Variants in ELP4 observed in about 807,000 individuals in gnomAD.
The protein encoded by ELP4 is elongator acetyltransferase complex subunit 4, also known as elongator complex protein 4.
A neutral mutation model predicts 48.9 loss-of-function variants in ELP4; 51 were observed. The ratio of observed to expected loss-of-function variants is 1.04; its 90% CI spans 0.83 to 1.32. The LOEUF (loss-of-function observed/expected upper bound fraction) is 1.32. Among genes scored for constraint, ELP4 ranks in the 40% most tolerant of loss-of-function variants. The pLI is 0.00. For synonymous variants in ELP4, 210 were observed against 189.2 expected (o/e 1.11, Z -0.90); for missense variants, 519 against 514.6 (o/e 1.01, Z -0.08).
intron 5 of ELP4, among the ~76,000 whole-genome samples, chr11:31,604,621 T>C (rs1369194536): frequency 6.6e-6 from 1 of 151,914 alleles, no homozygotes; most frequent in African/African-American, 2.4e-5. Flanking sequence ...TATATTTTCT[T>C]AAGCATTTGT....
At position 31,683,835 on chromosome 11, in the gene ELP4, A is replaced by C. The variant is rs1467033177; in HGVS notation, c.1143+33614A>C. ...AAATTGATAAGAGGTAGAAAAGATC[A>C]CTTATTAGATACTAAGTAAATGATT... On this transcript the variant is annotated intron_variant, in intron 9 of 9. Transcript: ENST00000640961. Among the ~76,000 whole-genome samples the C allele has an allele frequency of 6.6e-5, 10 of 152,222 alleles. 1 individual carries two copies. Among genetic ancestry groups the C allele is most frequent in the Admixed American group, 6.5e-4 (10 of 15,280 alleles).
intron 3 of ELP4, among the ~76,000 whole-genome samples, chr11:31,571,767 C>A (rs970531862): frequency 2.0e-5 from 3 of 152,088 alleles, no homozygotes; most frequent in Admixed American, 6.5e-5. Flanking sequence ...TCTTGGGTGA[C>A]CAGGTGCACT....
At chr11:31,768,511 G>A (rs2134265251) in intron 9 of ELP4, among the ~76,000 whole-genome samples, 1 of 152,206 alleles carries the variant, frequency 6.6e-6, no homozygotes, top group Non-Finnish European at 1.5e-5. Flanking sequence ...AATACAATAT[G>A]ACAAAAATAA....
At chr11:31,762,411 A>T (rs1947962698) in intron 9 of ELP4, among the ~76,000 whole-genome samples, 1 of 152,174 alleles carries the variant, frequency 6.6e-6, no homozygotes, top group South Asian at 2.1e-4. Flanking sequence ...TATTCGAAAG[A>T]ACTTGAAATT....
rs1355151382 is a variant in ELP4 at position 31,783,723 on chromosome 11, A to C, written c.*199A>C. The C allele has an allele frequency of 2.1e-6, 1 of 477,730 alleles. No homozygotes were observed. Among genetic ancestry groups the C allele is most frequent in the South Asian group, 5.0e-5 (1 of 19,968 alleles). 29.6% of individuals were successfully genotyped at this position (477,730 alleles called of 1,614,324 possible). ...AGAAATACTTTTAAATTTTTCCTTC[A>C]TGCTCTAGAGAAAATAATTTTATTT... On this transcript the variant is annotated 3_prime_UTR_variant, in exon 10 of 10. Coordinates refer to ENST00000640961, the MANE Select transcript of ELP4 (RefSeq NM_019040.5).
chr11:31,666,529 T>C (rs1199433611), intron 9 of ELP4, among the ~76,000 whole-genome samples: 2 of 152,016 alleles, frequency 1.3e-5, no homozygotes, highest in Admixed American at 1.3e-4. Context: ...CTGTCTCTAC[T>C]AAAAATTCAA....
chr11:31,757,623 A>G (rs2134248561), intron 9 of ELP4, among the ~76,000 whole-genome samples: 1 of 152,288 alleles, frequency 6.6e-6, no homozygotes. Flanking sequence ...TTCAATGCTC[A>G]TTTTCTGAAG....
At chr11:31,558,962 A>G (rs1056456753) in intron 3 of ELP4, among the ~76,000 whole-genome samples, 3 of 152,188 alleles carry the variant, frequency 2.0e-5, no homozygotes, top group Non-Finnish European at 4.4e-5. Flanking sequence ...AAGATATTCA[A>G]TCCTTTTGAG....
chr11:31,510,321 G>T, intron 1 of ELP4: 1 of 506,352 alleles, frequency 2.0e-6, no homozygotes, highest in Non-Finnish European at 3.5e-6. Context: ...ATTAATTTAT[G>T]GAGATGGTTT....
chr11:31,626,450 C>T (rs1944745602), intron 5 of ELP4, among the ~76,000 whole-genome samples: 1 of 151,752 alleles, frequency 6.6e-6, no homozygotes, highest in South Asian at 2.1e-4. Context: ...CTCATGCTTA[C>T]TGAAGATTCT....
intron 9 of ELP4, among the ~76,000 whole-genome samples, chr11:31,743,444 A>G (rs1029806319): frequency 6.6e-6 from 1 of 152,208 alleles, no homozygotes; most frequent in Non-Finnish European, 1.5e-5. Flanking sequence ...CAGAATATAC[A>G]TTCTTTTCAG....
intron 3 of ELP4, among the ~76,000 whole-genome samples, chr11:31,594,139 T>C (rs1018428069): frequency 2.0e-5 from 3 of 152,144 alleles, no homozygotes; most frequent in Non-Finnish European, 4.4e-5. Context: ...AACAAACATG[T>C]TTTCTAGTTT....
intron 3 of ELP4, among the ~76,000 whole-genome samples, chr11:31,570,983 A>G (rs986060379): frequency 6.6e-6 from 1 of 150,952 alleles, no homozygotes; most frequent in Non-Finnish European, 1.5e-5. Context: ...TATTTTTAGT[A>G]GAGACGGGGT....
intron 4 of ELP4, chr11:31,600,217 T>C (rs1472030987): frequency 7.9e-6 from 1 of 127,168 alleles, no homozygotes; most frequent in African/African-American, 2.5e-5. Flanking sequence ...CCCTCTTTTC[T>C]TCACCATGTG....
intron 3 of ELP4, among the ~76,000 whole-genome samples, chr11:31,543,204 G>A (rs527779011): frequency 2.0e-4 from 30 of 152,278 alleles, no homozygotes; most frequent in Admixed American, 3.9e-4. Flanking sequence ...AGAAGGAGTA[G>A]TACACAACAA....
chr11:31,737,234 T>A (rs569167503), intron 9 of ELP4, among the ~76,000 whole-genome samples: 1 of 151,744 alleles, frequency 6.6e-6, no homozygotes. Flanking sequence ...AACCAAACAC[T>A]GCATGTTCTC....
chr11:31,595,184 A>T (rs1396402672), intron 4 of ELP4, among the ~76,000 whole-genome samples: 3 of 152,174 alleles, frequency 2.0e-5, no homozygotes, highest in Admixed American at 6.5e-5. Context: ...ATTTCTATCC[A>T]GTATGTTTAC....
At chr11:31,703,723 T>G (rs917722038) in intron 9 of ELP4, among the ~76,000 whole-genome samples, 2 of 152,206 alleles carry the variant, frequency 1.3e-5, no homozygotes, top group African/African-American at 4.8e-5. Context: ...TGTGGCAGTA[T>G]TTCACATTAT....
At chr11:31,676,298 C>T (rs1329769579) in intron 9 of ELP4, among the ~76,000 whole-genome samples, 1 of 152,150 alleles carries the variant, frequency 6.6e-6, no homozygotes, top group Admixed American at 6.5e-5. Context: ...ATGAGGGTTT[C>T]CTGACTCTTC....
Sources: allele counts gnomAD v4.1 joint callset (sites outside exome capture counted in the v4.1 genomes callset), GRCh38; gene constraint gnomAD v4.1.1; transcripts MANE v1.5; gene names NCBI Gene and HGNC (gene_info 2026-07-23, HGNC 2026-07-21).